The following DSCAM variants were observed in gnomAD, a reference collection of about 807,000 sequenced individuals.
DSCAM encodes the protein cell adhesion molecule DSCAM.
DSCAM carries 47 observed loss-of-function variants against 217.7 expected under a neutral mutation model. The observed-to-expected ratio is 0.22, with a 90% CI of 0.17 to 0.28. The LOEUF (loss-of-function observed/expected upper bound fraction) is 0.28, where lower values mean the gene tolerates loss of function less well. Among genes scored for constraint, DSCAM ranks in the 10% least tolerant of loss-of-function variants. The pLI is 1.00. For synonymous variants in DSCAM, 1,056 were observed against 1,015.3 expected (o/e 1.04, Z -0.76); for missense variants, 2,080 against 2,618.3 (o/e 0.79, Z 4.49).
intron 3 of DSCAM, among the ~76,000 whole-genome samples, chr21:40,430,969 G>C (rs918623156): frequency 6.6e-6 from 1 of 152,248 alleles, no homozygotes; most frequent in Non-Finnish European, 1.5e-5. Flanking sequence ...GACAGCTGGA[G>C]AGGGAGAAAA....
At chr21:40,492,618 C>T (rs758274717) in intron 3 of DSCAM, among the ~76,000 whole-genome samples, 1 of 150,908 alleles carries the variant, frequency 6.6e-6, no homozygotes, top group Non-Finnish European at 1.5e-5. Context: ...AGGTCATCAA[C>T]AGTAGACCTG....
intron 28 of DSCAM, among the ~76,000 whole-genome samples, chr21:40,061,717 G>A (rs941686623): frequency 1.3e-5 from 2 of 152,050 alleles, no homozygotes; most frequent in Admixed American, 1.3e-4. Context: ...TACTGCCTTC[G>A]GTCTTCAAAG....
chr21:40,569,995 G>C (rs1356721169), intron 3 of DSCAM, among the ~76,000 whole-genome samples: 1 of 152,180 alleles, frequency 6.6e-6, no homozygotes, highest in African/African-American at 2.4e-5. Context: ...GATGAGTGCA[G>C]GAGAACTGAG....
chr21:40,240,349 G>GTTTTTTTTTTTTTTTTTTTTTTTTTTTT (rs749073872), intron 11 of DSCAM, among the ~76,000 whole-genome samples: 1 of 57,722 alleles, frequency 1.7e-5, no homozygotes, highest in African/African-American at 7.7e-5. Context: ...TTCCTCACTG[G>GTTTTTTTTTTTTTTTTTTTTTTTTTTTT]TTTTTTTTTT....
intron 11 of DSCAM, chr21:40,212,519 A>AT (rs1444928689): frequency 6.5e-6 from 1 of 153,868 alleles, no homozygotes; most frequent in East Asian, 2.0e-4. Flanking sequence ...ACCCCTGTGC[A>AT]TATTTCAGGC....
intron 4 of DSCAM, among the ~76,000 whole-genome samples, chr21:40,362,429 CCT>C (rs1601587027): frequency 6.6e-6 from 1 of 152,150 alleles, no homozygotes. Context: ...AAGTGTTCAA[CCT>C]CTCTCTCTTT....
At chr21:40,783,739 G>A (rs117237416) in intron 1 of DSCAM, among the ~76,000 whole-genome samples, 1 of 152,258 alleles carries the variant, frequency 6.6e-6, no homozygotes, top group Non-Finnish European at 1.5e-5. Context: ...ATGTAAAACT[G>A]CATTAAAATG....
At chr21:40,494,715 C>A (rs2076103774) in intron 3 of DSCAM, among the ~76,000 whole-genome samples, 1 of 149,618 alleles carries the variant, frequency 6.7e-6, no homozygotes, top group Admixed American at 6.6e-5. Context: ...AAAAGGAGAA[C>A]AAACTAAGCC....
chr21:40,123,286 G>C (rs1361193964), intron 20 of DSCAM, among the ~76,000 whole-genome samples: 1 of 152,160 alleles, frequency 6.6e-6, no homozygotes, highest in Non-Finnish European at 1.5e-5. Flanking sequence ...AAGAGGGTAA[G>C]TTTTACGTTA....
intron 3 of DSCAM, among the ~76,000 whole-genome samples, chr21:40,641,401 G>T (rs1038677981): frequency 3.9e-5 from 6 of 152,154 alleles, no homozygotes; most frequent in Non-Finnish European, 8.8e-5. Context: ...TATTCAGGAT[G>T]CTTTCTCTTT....
In DSCAM at chr21:40,144,430, G is replaced by A. The variant is rs557631592; in HGVS notation, c.3259+61C>T. ...GAGTGCGAGGTTGGGGGAGCCCCGGGGCAGACCCGAGGGAACCTTTGCGGA... is the reference window on the plus strand; with the variant it reads ...GAGTGCGAGGTTGGGGGAGCCCCGGAGCAGACCCGAGGGAACCTTTGCGGA... On this transcript the variant is annotated intron_variant, in intron 17 of 32. Coordinates refer to ENST00000400454, the MANE Select transcript of DSCAM (RefSeq NM_001389.5). This position sits in a 1 kb window ranked among gnomAD's most constrained non-coding sequence, Gnocchi z 4.8. The A allele has an allele frequency of 1.1e-5, 17 of 1,598,374 alleles. No homozygotes were observed. Among genetic ancestry groups the A allele is most frequent in the Admixed American group, 8.4e-5 (5 of 59,500 alleles).
At chr21:40,388,889 A>G (rs1033373453) in intron 3 of DSCAM, among the ~76,000 whole-genome samples, 1 of 152,158 alleles carries the variant, frequency 6.6e-6, no homozygotes, top group Non-Finnish European at 1.5e-5. Flanking sequence ...TTGTTTATAA[A>G]TTCCAGGTAG....
intron 15 of DSCAM, 107 bp downstream of exon 15, chr21:40,178,820 C>T: frequency 7.1e-7 from 1 of 1,414,244 alleles, no homozygotes; most frequent in Non-Finnish European, 9.7e-7. Context: ...GCATCAAAGA[C>T]CTCCGCCTAG....
At chr21:40,258,916 C>T (rs1300512022) in intron 11 of DSCAM, among the ~76,000 whole-genome samples, 2 of 152,192 alleles carry the variant, frequency 1.3e-5, no homozygotes, top group African/African-American at 2.4e-5. Context: ...TATAAACGAC[C>T]CTGTCTCCTT....
chr21:40,169,398 A>G (rs987683405), intron 15 of DSCAM, among the ~76,000 whole-genome samples: 5 of 152,190 alleles, frequency 3.3e-5, no homozygotes, highest in Admixed American at 2.6e-4. Context: ...GGTCTATAGA[A>G]AAGGGTGCAC....
intron 1 of DSCAM, among the ~76,000 whole-genome samples, chr21:40,745,808 GA>G (rs2091168499): frequency 6.6e-6 from 1 of 152,048 alleles, no homozygotes; most frequent in African/African-American, 2.4e-5. Context: ...TCTTAAGTAT[GA>G]AGACTAAAGA....
intron 15 of DSCAM, among the ~76,000 whole-genome samples, chr21:40,174,663 T>C (rs560156063): frequency 1.8e-4 from 27 of 152,290 alleles, no homozygotes; most frequent in African/African-American, 6.5e-4. Flanking sequence ...TGAGGGGGTA[T>C]GGTCAGCCTC....
chr21:40,112,116 T>C (rs377554477), intron 20 of DSCAM, among the ~76,000 whole-genome samples: 3,667 of 130,246 alleles, frequency 0.028, 65 homozygotes, highest in Non-Finnish European at 0.039. Context: ...AATACACATT[T>C]TTTTCAGCAC....
intron 1 of DSCAM, among the ~76,000 whole-genome samples, chr21:40,734,688 T>C (rs762151011): frequency 2.3e-4 from 35 of 152,242 alleles, no homozygotes; most frequent in Non-Finnish European, 4.7e-4. Context: ...CATCCCACCA[T>C]TCCAGCCAGA....
Sources: gnomAD v4.1 joint callset for allele counts (sites outside exome capture counted in the v4.1 genomes callset) on GRCh38, gnomAD v4.1.1 for gene constraint, Gnocchi (gnomAD v3.1) non-coding constraint, MANE v1.5 for transcripts, NCBI Gene and HGNC (gene_info 2026-07-23, HGNC 2026-07-21) for gene names.